The following CEACAM4 variants were observed in gnomAD, a reference collection of about 807,000 sequenced individuals.
CEACAM4 encodes cell adhesion molecule CEACAM4.
Under a neutral mutation model 28.7 loss-of-function variants are expected in CEACAM4, and 30 were observed. The ratio of observed to expected loss-of-function variants is 1.05; its 90% CI spans 0.78 to 1.42. CEACAM4 has a LOEUF of 1.42. CEACAM4 is among the 40% of genes most tolerant of loss of function. CEACAM4 has a pLI of 0.00. For missense variants in CEACAM4, 330 were observed against 308.2 expected, an observed-to-expected ratio of 1.07 and a Z score of -0.53; for synonymous variants, 143 against 126.5, an observed-to-expected ratio of 1.13 and a Z score of -0.87.
chr19:41,626,063 AGTGTGT>A (rs61710351), intron 1 of CEACAM4, 103 bp from the exon 2 acceptor site: 18,411 of 648,388 alleles, frequency 0.028, 189 homozygotes, highest in African/African-American at 0.051. Flanking sequence ...TCAGCCTTGG[AGTGTGT>A]GTGTGTGTGT....
intron 4 of CEACAM4, 86 bp downstream of exon 4, chr19:41,620,489 C>A: frequency 8.4e-7 from 1 of 1,192,900 alleles, no homozygotes; most frequent in South Asian, 1.4e-5. Flanking sequence ...AAGAAAGGGT[C>A]AGAGGCCCCC....
chr19:41,626,086 G>A (rs1259474141), intron 1 of CEACAM4, 126 bp from the exon 2 acceptor site: 8 of 363,696 alleles, frequency 2.2e-5, no homozygotes, highest in Non-Finnish European at 3.2e-5. Context: ...GTGTGTGTGT[G>A]TGTGTGTGTG....
chr19:41,613,507 A>ACACACACACATATACACCCACACC, the CEACAM4 span, among the ~76,000 whole-genome samples: 2 of 151,926 alleles, frequency 1.3e-5, no homozygotes, highest in African/African-American at 4.8e-5. Context: ...ACACACACAC[A>ACACACACACATATACACCCACACC]CACACACACA....
chr19:41,619,371 T>A lies in CEACAM4; in HGVS notation c.694A>T (p.Ile232Phe). ...GCTTTGTGGTCGATCTGGCAGTAAATGTTTGCATCAGAGTATAGCAATTCC... is the reference window on the plus strand; with the variant it reads ...GCTTTGTGGTCGATCTGGCAGTAAAAGTTTGCATCAGAGTATAGCAATTCC... The part of the protein sequence containing the change: ...YEELLYSDAN[I>F]YCQIDHKADV... The change falls in exon 7 of 7, where the codon ATT becomes TTT. Residue 232 changes from isoleucine to phenylalanine, a missense_variant. By Grantham distance (21) the Ile-to-Phe change is conservative (BLOSUM62 0). Transcript: ENST00000221954. 6.2e-7 allele frequency: 1 copy of A among 1,614,068 alleles called. No homozygotes were observed. The highest frequency in any genetic ancestry group is 8.5e-7 in the Non-Finnish European group (1 of 1,179,964).
At chr19:41,613,496 G>GACAC in the CEACAM4 span, among the ~76,000 whole-genome samples, 24 of 149,314 alleles carry the variant, frequency 1.6e-4, no homozygotes, top group South Asian at 4.2e-4. Flanking sequence ...CTGTCTGGAG[G>GACAC]ACACACACAC....
downstream of CEACAM4, among the ~76,000 whole-genome samples, chr19:41,618,299 A>G (rs555745081): frequency 1.3e-5 from 2 of 152,226 alleles, no homozygotes; most frequent in South Asian, 2.1e-4. Flanking sequence ...CTGTGTAAAG[A>G]GTTGGCTTGC....
downstream of CEACAM4, chr19:41,618,963 C>T (rs941586321): frequency 1.2e-4 from 30 of 258,176 alleles, no homozygotes; most frequent in Admixed American, 1.6e-4. Context: ...AGAATGGACA[C>T]GGAGTTTCAG....
chr19:41,621,651 C>A lies in CEACAM4; in HGVS notation c.542G>T (p.Arg181Met), dbSNP rs2071296598. ...GGAGGCTGGGGAAAAGCTGCGGTAC[C>A]TTCCAGTCCTGGAGAGAAGCAGAAA... is the stretch of plus-strand genomic sequence containing the variant. ...VCFLLLSRTGRASIQRDLREQ... is the reference protein window; with the variant it reads ...VCFLLLSRTGMASIQRDLREQ... The change falls in exon 3 of 7, where the codon AGG becomes ATG. Residue 181 changes from arginine (R) to methionine (M), a missense_variant and splice_region_variant. Physicochemically the swap from Arg to Met is moderately conservative, Grantham distance 91 (BLOSUM62 -1). Coordinates refer to ENST00000221954, the MANE Select transcript of CEACAM4 (RefSeq NM_001817.4). 1 of 1,569,804 alleles carries A rather than the reference C, an allele frequency of 6.4e-7. No individual in the cohort carries two copies. Among genetic ancestry groups the A allele is most frequent in the African/African-American group, 1.3e-5 (1 of 74,078 alleles).
In CEACAM4 at chr19:41,625,589, G is replaced by T; in HGVS notation, c.424+12C>A. On this transcript the variant is annotated intron_variant, in intron 2 of 6. Coordinates refer to ENST00000221954, the MANE Select transcript of CEACAM4 (RefSeq NM_001817.4). ...GACCGCCAGCACCCAGAGGTATGGG[G>T]GAATCACTCACGGTGTACGTGGAGC... 1 of 1,558,770 alleles carries T rather than the reference G, an allele frequency of 6.4e-7. No homozygotes were observed. Among genetic ancestry groups the T allele is most frequent in the Non-Finnish European group, 8.7e-7 (1 of 1,151,316 alleles).
At chr19:41,619,515 G>C in intron 6 of CEACAM4, 120 bp from the exon 7 acceptor site, 1 of 1,558,798 alleles carries the variant, frequency 6.4e-7, no homozygotes, top group Non-Finnish European at 8.7e-7. Context: ...TGCTCAGGGG[G>C]TCCCTGTTCC....
downstream of CEACAM4, chr19:41,618,937 CT>C (rs2071077958): frequency 4.8e-6 from 1 of 207,338 alleles, no homozygotes; most frequent in Admixed American, 5.9e-5. Flanking sequence ...GATATTTTCC[CT>C]GTGTGACCCG....
chr19:41,626,059 T>A lies in CEACAM4; in HGVS notation c.65-99A>T, dbSNP rs2071629545. The A allele has an allele frequency of 3.2e-6, 3 of 927,762 alleles. No individual in the cohort carries two copies. In the East Asian group the frequency reaches 7.5e-5, roughly 23 times the overall value. 57.5% of individuals were successfully genotyped at this position (927,762 alleles called of 1,614,324 possible). ...CAGCAGGTCTCCTCATCCCTCAGCCTTGGAGTGTGTGTGTGTGTGTGTGTG... is the reference window on the plus strand; with the variant it reads ...CAGCAGGTCTCCTCATCCCTCAGCCATGGAGTGTGTGTGTGTGTGTGTGTG... On this transcript the variant is annotated intron_variant, in intron 1 of 6. Transcript: ENST00000221954.
At chr19:41,615,617 C>CA (rs1393328053), downstream of CEACAM4, among the ~76,000 whole-genome samples, 1 of 152,076 alleles carries the variant, frequency 6.6e-6, no homozygotes, top group East Asian at 1.9e-4. Context: ...CCTGAAAAGA[C>CA]AAAGCCTCAA....
downstream of CEACAM4, among the ~76,000 whole-genome samples, chr19:41,615,472 G>A (rs2070973678): frequency 1.3e-5 from 2 of 152,022 alleles, no homozygotes; most frequent in Non-Finnish European, 2.9e-5. Context: ...GGATGTCAGG[G>A]TGAGAGTCAC....
Position 41,627,054 on chromosome 19 carries a change from T to A in CEACAM4, c.-91A>T. Reference sequence around the variant, plus strand: ...TGCTGTGACTGTCGGCTGTCGGGGCTGCTGACCTTCCTCCTTCTGTGCTGA... The same window carrying A: ...TGCTGTGACTGTCGGCTGTCGGGGCAGCTGACCTTCCTCCTTCTGTGCTGA... On this transcript the variant is annotated 5_prime_UTR_variant, in exon 1 of 7. Coordinates refer to ENST00000221954, the MANE Select transcript of CEACAM4 (RefSeq NM_001817.4). The A allele has an allele frequency of 1.8e-6, 2 of 1,142,270 alleles. No individual in the cohort carries two copies. The highest frequency in any genetic ancestry group is 1.2e-6 in the Non-Finnish European group (1 of 807,244). 70.8% of individuals were successfully genotyped at this position (1,142,270 alleles called of 1,614,324 possible).
At chr19:41,622,780 A>G (rs568981851) in intron 2 of CEACAM4, among the ~76,000 whole-genome samples, 2 of 152,214 alleles carry the variant, frequency 1.3e-5, no homozygotes, top group South Asian at 4.1e-4. Flanking sequence ...TAATCTCCTA[A>G]TAAACATCCT....
downstream of CEACAM4, among the ~76,000 whole-genome samples, chr19:41,614,087 G>T (rs1204496694): frequency 6.6e-6 from 1 of 152,180 alleles, no homozygotes; most frequent in Non-Finnish European, 1.5e-5. Flanking sequence ...ATGTGGATTT[G>T]CTCTAATTGT....
intron 6 of CEACAM4, 68 bp downstream of exon 6, chr19:41,619,602 T>G: frequency 6.4e-7 from 1 of 1,566,112 alleles, no homozygotes; most frequent in Non-Finnish European, 8.7e-7. Context: ...CTCAGCCAGG[T>G]GCTGGTGGGG....
chr19:41,621,715 C>G lies in CEACAM4; in HGVS notation c.478G>C (p.Val160Leu). ...VGAVAGIVTG[V>L]LVGVALVAAL... is the part of the protein sequence containing the mutation. Reference sequence around the variant, plus strand: ...GCCACCAGAGCCACCCCAACCAGGACCCCAGTCACGATGCCAGCGACGGCC... The same window carrying G: ...GCCACCAGAGCCACCCCAACCAGGAGCCCAGTCACGATGCCAGCGACGGCC... The change falls in exon 3 of 7, where the codon GTC (valine) becomes CTC (leucine). Residue 160 changes from valine to leucine, a missense_variant. By Grantham distance (32) the Val-to-Leu change is conservative (BLOSUM62 1). Coordinates refer to ENST00000221954, the MANE Select transcript of CEACAM4 (RefSeq NM_001817.4). 1 of 1,613,286 alleles carries G rather than the reference C, an allele frequency of 6.2e-7. No individual in the cohort carries two copies. Among genetic ancestry groups the G allele is most frequent in the Non-Finnish European group, 8.5e-7 (1 of 1,179,316 alleles).
Sources: gnomAD v4.1 joint callset for allele counts (sites outside exome capture counted in the v4.1 genomes callset) on GRCh38, gnomAD v4.1.1 for gene constraint, MANE v1.5 for transcripts, NCBI Gene and HGNC (gene_info 2026-07-23, HGNC 2026-07-21) for gene names.